Variants in MYO9B observed in about 807,000 individuals in gnomAD.
The protein encoded by MYO9B is myosin IXB, also known as unconventional myosin-IXb.
A neutral mutation model predicts 229.5 loss-of-function variants in MYO9B; 71 were observed. That is an observed-to-expected ratio of 0.31 (90% CI 0.26 to 0.38). MYO9B has a LOEUF of 0.38. Among genes scored for constraint, MYO9B ranks in the 10% least tolerant of loss-of-function variants. The pLI is 1.00. For missense variants in MYO9B, 2,255 were observed against 2,920.5 expected (o/e 0.77, Z 5.25); for synonymous variants, 1,185 against 1,235.8 (o/e 0.96, Z 0.86).
At chr19:17,167,881 G>A in intron 10 of MYO9B, 62 bp from the exon 11 acceptor site, 2 of 1,542,242 alleles carry the variant, frequency 1.3e-6, no homozygotes, top group Non-Finnish European at 1.8e-6. Flanking sequence ...TGCAATATAT[G>A]TTATGTAGAT....
Position 17,184,505 on chromosome 19 carries a change from T to C in MYO9B, c.2374-360T>C, listed in dbSNP as rs552782479. 1.5e-3 allele frequency: 313 copies of C among 210,780 alleles called. 2 individuals are homozygous for C. Among genetic ancestry groups the C allele is most frequent in the Non-Finnish European group, 2.7e-3 (276 of 104,080 alleles). 13.1% of individuals were successfully genotyped at this position (210,780 alleles called of 1,614,324 possible). ...TCATGCGGATGGCACAGAAAGGACC[T>C]GGCCCTTCTTGACTCAAGTAATGTA... On this transcript the variant is annotated intron_variant, in intron 16 of 39. Transcript: ENST00000682292.
At chr19:17,129,779 T>A (rs962572687) in intron 2 of MYO9B, among the ~76,000 whole-genome samples, 2 of 152,176 alleles carry the variant, frequency 1.3e-5, no homozygotes, top group African/African-American at 4.8e-5. Flanking sequence ...CTGTTCTCCC[T>A]AAAATGTTTT....
chr19:17,209,360 C>T (rs2073199680), intron 35 of MYO9B, among the ~76,000 whole-genome samples: 1 of 152,208 alleles, frequency 6.6e-6, no homozygotes. Context: ...TTCACTCTGA[C>T]CCTCCTTCAA....
At chr19:17,206,218 C>T in intron 32 of MYO9B, 30 bp from the exon 33 acceptor site, 1 of 1,583,968 alleles carries the variant, frequency 6.3e-7, no homozygotes, top group Non-Finnish European at 8.6e-7. Context: ...CAGTGCGCCG[C>T]TCACCAGACC....
At chr19:17,156,125 G>T (rs1267124841) in intron 6 of MYO9B, among the ~76,000 whole-genome samples, 1 of 152,120 alleles carries the variant, frequency 6.6e-6, no homozygotes, top group Admixed American at 6.6e-5. Flanking sequence ...CAAGTTCACA[G>T]ACAGCATTAG....
chr19:17,202,099 G>A (rs750657292), intron 27 of MYO9B, 31 bp from the exon 28 acceptor site: 2 of 1,612,696 alleles, frequency 1.2e-6, no homozygotes, highest in Admixed American at 1.7e-5. Flanking sequence ...CCTTGCCCAG[G>A]CCTGCAGGGT....
chr19:17,211,938 G>GAGCCCCCTCCCCA lies in MYO9B; in HGVS notation c.6103_6115dup (p.Thr2039LysfsTer165). ...TCCCTTGCCCCGGCGCGCCCACCCCGAGCCCCCTCCCCACCGTGGCCGCCC... is the reference window on the plus strand; with the variant it reads ...TCCCTTGCCCCGGCGCGCCCACCCCGAGCCCCCTCCCCAAGCCCCCTCCCCACCGTGGCCGCCC... On this transcript the variant is annotated frameshift_variant, in exon 40 of 40. Coordinates refer to ENST00000682292, the MANE Select transcript of MYO9B (RefSeq NM_004145.4). LOFTEE classifies it low-confidence loss of function (END_TRUNC). 1 of 342,134 alleles carries GAGCCCCCTCCCCA rather than the reference G, an allele frequency of 2.9e-6. No individual in the cohort carries two copies. The highest frequency in any genetic ancestry group is 4.1e-6 in the Non-Finnish European group (1 of 241,570). 21.2% of individuals were successfully genotyped at this position (342,134 alleles called of 1,614,324 possible). A position where few individuals can be genotyped will look rare whatever the true frequency, so the allele number is the denominator to read the frequency against.
intron 10 of MYO9B, among the ~76,000 whole-genome samples, chr19:17,164,444 G>A (rs886847832): frequency 1.3e-5 from 2 of 151,408 alleles, no homozygotes; most frequent in Non-Finnish European, 2.9e-5. Context: ...GCAGTGGCAC[G>A]ATCTCGGCTC....
At position 17,101,902 on chromosome 19, in the gene MYO9B, G is replaced by C. The variant is rs760916492; in HGVS notation, c.185G>C (p.Cys62Ser). The change falls in exon 2 of 40, where the codon TGT becomes TCT. Residue 62 changes from cysteine to serine, a missense_variant. This residue lies in a region of MYO9B where 386 missense variants were observed against 515.2 expected (regional missense o/e 0.75). Transcript: ENST00000682292. The surrounding 1 kb of genome is among the most constrained non-coding windows in gnomAD (Gnocchi z 4.7). Reference sequence around the variant, plus strand: ...AGCCTGCGGCTGGACGGCACCAAATGTTATGTGCTGGTGGAGGTCAAAGAG... The same window carrying C: ...AGCCTGCGGCTGGACGGCACCAAATCTTATGTGCTGGTGGAGGTCAAAGAG... ...IASLRLDGTK[C>S]YVLVEVKESG... 1.9e-6 allele frequency: 3 copies of C among 1,613,524 alleles called. No individual in the cohort carries two copies. The African/African-American group carries it at 4.0e-5, about 22-fold the overall frequency.
intron 11 of MYO9B, among the ~76,000 whole-genome samples, chr19:17,171,622 C>G (rs2072725662): frequency 6.6e-6 from 1 of 152,142 alleles, no homozygotes; most frequent in Non-Finnish European, 1.5e-5. Flanking sequence ...AGAGAGTGAG[C>G]CACCCAGACT....
At chr19:17,152,463 C>T (rs958367713) in intron 3 of MYO9B, 181 bp from the exon 4 acceptor site, 18 of 503,066 alleles carry the variant, frequency 3.6e-5, no homozygotes, top group Middle Eastern at 5.9e-4. Flanking sequence ...CTGTGGGGGC[C>T]GAGGCAAGAG....
At chr19:17,206,226 A>AGCCCCCCCCCCCC in intron 32 of MYO9B, 22 bp from the exon 33 acceptor site, 23 of 654,222 alleles carry the variant, frequency 3.5e-5, no homozygotes, top group East Asian at 5.4e-5. Flanking sequence ...CGCTCACCAG[A>AGCCCCCCCCCCCC]CCCACCCCAC....
chr19:17,203,445 A>T (rs1811524), intron 30 of MYO9B, among the ~76,000 whole-genome samples, 187 bp downstream of exon 30: 78,006 of 151,588 alleles, frequency 0.51, 21,392 homozygotes, highest in East Asian at 0.76. Flanking sequence ...AAACCTCATC[A>T]CTACTAAAAA....
chr19:17,200,376 T>G lies in MYO9B; in HGVS notation c.4322T>G (p.Val1441Gly), dbSNP rs1348359952. 3 of 1,605,362 alleles carry G rather than the reference T, an allele frequency of 1.9e-6. No individual in the cohort carries two copies. The highest frequency in any genetic ancestry group is 2.6e-6 in the Non-Finnish European group (3 of 1,175,654). The part of the protein sequence containing the change: ...LEGAEELENA[V>G]SGHVVLEATT... ...GGCGCAGAGGAGCTGGAGAATGCAG[T>G]GTCCGGGCACGTGGTGCTGGAAGCC... The change falls in exon 25 of 40, where the codon GTG (valine) becomes GGG (glycine). Residue 1441 changes from valine to glycine, a missense_variant. By Grantham distance (109) the Val-to-Gly change is moderately radical. Transcript: ENST00000682292.
intron 2 of MYO9B, among the ~76,000 whole-genome samples, chr19:17,129,229 G>A (rs1257972414): frequency 6.6e-6 from 1 of 152,052 alleles, no homozygotes; most frequent in East Asian, 1.9e-4. Context: ...GTGAAACCCT[G>A]TCTCTACTAC....
chr19:17,153,729 C>G (rs1283238015), intron 4 of MYO9B, among the ~76,000 whole-genome samples: 1 of 151,464 alleles, frequency 6.6e-6, no homozygotes, highest in African/African-American at 2.4e-5. Context: ...AGAAACATTT[C>G]TGATTGACAA....
intron 22 of MYO9B, among the ~76,000 whole-genome samples, chr19:17,196,771 A>G (rs1228909096): frequency 1.3e-5 from 2 of 151,592 alleles, no homozygotes; most frequent in Non-Finnish European, 2.9e-5. Context: ...AGGTAGAGAC[A>G]ATGAATGGAG....
At chr19:17,157,224 A>G in intron 7 of MYO9B, 186 bp downstream of exon 7, 1 of 663,106 alleles carries the variant, frequency 1.5e-6, no homozygotes, top group Non-Finnish European at 2.3e-6. Flanking sequence ...GGACAGGGGC[A>G]CCTCCTCCTC....
chr19:17,187,827 C>A, intron 18 of MYO9B, 108 bp from the exon 19 acceptor site: 1 of 868,454 alleles, frequency 1.2e-6, no homozygotes, highest in South Asian at 1.5e-5. Flanking sequence ...GCAGTGGTCG[C>A]ATGGGGAAGT....
Sources: gnomAD v4.1 joint callset for allele counts (sites outside exome capture counted in the v4.1 genomes callset) on GRCh38, gnomAD v4.1.1 for gene constraint, gnomAD v4.1.1 regional missense constraint, Gnocchi (gnomAD v3.1) non-coding constraint, MANE v1.5 for transcripts, NCBI Gene and HGNC (gene_info 2026-07-23, HGNC 2026-07-21) for gene names.